Variants in JAML observed in about 807,000 individuals in gnomAD.
JAML encodes the protein junction adhesion molecule like.
Under a neutral mutation model 39.3 loss-of-function variants are expected in JAML, and 25 were observed. That is an observed-to-expected ratio of 0.64 (90% CI 0.46 to 0.89). The LOEUF is 0.89. Among genes scored for constraint, JAML ranks in the 40% least tolerant of loss-of-function variants. JAML has a pLI of 0.00. For synonymous variants in JAML, 162 were observed against 179.2 expected, an observed-to-expected ratio of 0.90 and a Z score of 0.77; for missense variants, 440 against 486.9, an observed-to-expected ratio of 0.90 and a Z score of 0.91.
At chr11:118,207,447 C>T (rs1369545856) in intron 4 of JAML, among the ~76,000 whole-genome samples, 1 of 152,196 alleles carries the variant, frequency 6.6e-6, no homozygotes, top group African/African-American at 2.4e-5. Flanking sequence ...TTCTCACTCA[C>T]TCTACTGTGG....
intron 4 of JAML, among the ~76,000 whole-genome samples, chr11:118,207,906 G>A (rs1386940371): frequency 6.6e-6 from 1 of 152,190 alleles, no homozygotes; most frequent in Non-Finnish European, 1.5e-5. Flanking sequence ...ATGCTTGCAT[G>A]GACAAGTGTT....
At chr11:118,207,673 T>C (rs953016636) in intron 4 of JAML, among the ~76,000 whole-genome samples, 15 of 152,100 alleles carry the variant, frequency 9.9e-5, no homozygotes, top group African/African-American at 3.4e-4. Context: ...GGAGGCAACT[T>C]ACATAAAGCA....
Position 118,194,244 on chromosome 11 carries a change from G to C in JAML, c.*81C>G. 8 of 1,260,872 alleles carry C rather than the reference G, an allele frequency of 6.3e-6. No individual in the cohort carries two copies. Among genetic ancestry groups the C allele is most frequent in the Non-Finnish European group, 9.3e-6 (8 of 861,208 alleles). 78.1% of individuals were successfully genotyped at this position (1,260,872 alleles called of 1,614,324 possible). A position where few individuals can be genotyped will look rare whatever the true frequency, so the allele number is the denominator to read the frequency against. On this transcript the variant is annotated 3_prime_UTR_variant, in exon 10 of 10. Transcript: ENST00000356289. ...AGGACAGCTGGGAGAGCGGGAGTCT[G>C]AAATCACTGGTAGAGTGGCCCAGGA...
At chr11:118,211,713 C>T (rs1949063344) in intron 3 of JAML, among the ~76,000 whole-genome samples, 1 of 152,172 alleles carries the variant, frequency 6.6e-6, no homozygotes, top group Admixed American at 6.6e-5. Flanking sequence ...TAGTAACAAA[C>T]TACTTGGGAT....
In JAML at chr11:118,212,294, C is replaced by T. The variant is rs899476586; in HGVS notation, c.198+113G>A. 23 of 1,348,534 alleles carry T rather than the reference C, an allele frequency of 1.7e-5. No individual in the cohort carries two copies. In the African/African-American group the frequency reaches 3.2e-4, roughly 19 times the overall value. 83.5% of individuals were successfully genotyped at this position (1,348,534 alleles called of 1,614,324 possible). A position where few individuals can be genotyped will look rare whatever the true frequency, so the allele number is the denominator to read the frequency against. ...GCCCAGTTCTGATAATCTCCAAAGCCCCGGCTCTTGCAACACCTCCTGGTG... is the reference window on the plus strand; with the variant it reads ...GCCCAGTTCTGATAATCTCCAAAGCTCCGGCTCTTGCAACACCTCCTGGTG... On this transcript the variant is annotated intron_variant, in intron 3 of 9. Coordinates refer to ENST00000356289, the MANE Select transcript of JAML (RefSeq NM_001098526.2).
chr11:118,196,917 A>T, intron 8 of JAML, 96 bp from the exon 9 acceptor site: 1 of 947,046 alleles, frequency 1.1e-6, no homozygotes. Flanking sequence ...GGCATCGACC[A>T]CCCAAACTGC....
chr11:118,219,734 C>T (rs1400794866), intron 1 of JAML, among the ~76,000 whole-genome samples: 2 of 152,198 alleles, frequency 1.3e-5, no homozygotes, highest in African/African-American at 4.8e-5. Context: ...TTTGGTGATC[C>T]AAAAGGGGAT....
intron 4 of JAML, 70 bp downstream of exon 4, chr11:118,210,417 T>A: frequency 6.8e-7 from 1 of 1,476,610 alleles, no homozygotes; most frequent in Non-Finnish European, 9.3e-7. Context: ...CTCAAGATAA[T>A]CAGTTTCCTT....
chr11:118,223,027 G>A (rs1407391268), intron 1 of JAML, among the ~76,000 whole-genome samples: 1 of 151,028 alleles, frequency 6.6e-6, no homozygotes, highest in Non-Finnish European at 1.5e-5. Flanking sequence ...CTCGGGAGGC[G>A]GAGGTTGCAG....
intron 4 of JAML, chr11:118,209,017 T>C: frequency 4.2e-6 from 1 of 237,504 alleles, no homozygotes. Context: ...CTCCATATTC[T>C]AGATTCTGGG....
At position 118,222,364 on chromosome 11, in the gene JAML, G is replaced by A. The variant is rs972151639; in HGVS notation, c.-21+2577C>T. ...GAGCCCAGGAGGCTGAGGCTGCAGC[G>A]AGTTGTGATCGCACCACTGCATTCC... On this transcript the variant is annotated intron_variant, in intron 1 of 9. Coordinates refer to ENST00000356289, the MANE Select transcript of JAML (RefSeq NM_001098526.2). The surrounding 1 kb of genome is among the most constrained non-coding windows in gnomAD (Gnocchi z 4.2). Among the ~76,000 whole-genome samples, 4 of 152,122 alleles carry A rather than the reference G, an allele frequency of 2.6e-5. No individual in the cohort carries two copies. Among genetic ancestry groups the A allele is most frequent in the East Asian group, 3.9e-4 (2 of 5,154 alleles).
At chr11:118,215,609 A>C (rs1949129485) in intron 1 of JAML, among the ~76,000 whole-genome samples, 2 of 151,748 alleles carry the variant, frequency 1.3e-5, no homozygotes, top group Non-Finnish European at 2.9e-5. Flanking sequence ...AGCCTCTCAA[A>C]GTGTTGGGAT....
In JAML at chr11:118,222,700, T is replaced by C. The variant is rs1206231752; in HGVS notation, c.-21+2241A>G. The stretch of plus-strand genomic sequence containing the variant: ...AAGACAGTGTAAGTAAAGAATGTGT[T>C]TTGGTGGGAGGTTATAAGAAGGCGT... On this transcript the variant is annotated intron_variant, in intron 1 of 9. Coordinates refer to ENST00000356289, the MANE Select transcript of JAML (RefSeq NM_001098526.2). The surrounding 1 kb of genome is among the most constrained non-coding windows in gnomAD (Gnocchi z 4.2). Among the ~76,000 whole-genome samples the C allele has an allele frequency of 1.3e-5, 2 of 152,120 alleles. No homozygotes were observed. Among genetic ancestry groups the C allele is most frequent in the Non-Finnish European group, 2.9e-5 (2 of 68,016 alleles).
chr11:118,219,125 C>T (rs1949180634), intron 1 of JAML, among the ~76,000 whole-genome samples: 1 of 152,036 alleles, frequency 6.6e-6, no homozygotes, highest in Admixed American at 6.6e-5. Flanking sequence ...TCTGAACAGA[C>T]ATTTCTCAAG....
chr11:118,213,638 A>C (rs1565483730), intron 2 of JAML, among the ~76,000 whole-genome samples: 1 of 152,262 alleles, frequency 6.6e-6, no homozygotes, highest in Non-Finnish European at 1.5e-5. Context: ...GAATTAAATG[A>C]AGGACTGCTA....
chr11:118,219,655 C>T (rs1252792487), intron 1 of JAML, among the ~76,000 whole-genome samples: 1 of 152,246 alleles, frequency 6.6e-6, no homozygotes, highest in African/African-American at 2.4e-5. Context: ...CCTTTCTTTC[C>T]TATGACTGTC....
At chr11:118,219,697 G>T (rs572426424) in intron 1 of JAML, among the ~76,000 whole-genome samples, 2 of 152,270 alleles carry the variant, frequency 1.3e-5, no homozygotes, top group South Asian at 4.2e-4. Flanking sequence ...GGTGACATCG[G>T]CCCTAGCTAG....
At chr11:118,212,055 T>C (rs1949072583) in intron 3 of JAML, among the ~76,000 whole-genome samples, 1 of 152,182 alleles carries the variant, frequency 6.6e-6, no homozygotes, top group Non-Finnish European at 1.5e-5. Context: ...AGGGTAGAGA[T>C]AAAGGAAGGA....
At chr11:118,206,028 T>A (rs1301751474) in intron 4 of JAML, 37 bp from the exon 5 acceptor site, 1 of 1,543,522 alleles carries the variant, frequency 6.5e-7, no homozygotes. Context: ...AGACTCAAGT[T>A]ATAATCTATA....
Sources: allele counts gnomAD v4.1 joint callset (sites outside exome capture counted in the v4.1 genomes callset), GRCh38; gene constraint gnomAD v4.1.1; non-coding constraint Gnocchi (gnomAD v3.1); transcripts MANE v1.5; gene names NCBI Gene and HGNC (gene_info 2026-07-23, HGNC 2026-07-21).